TOPAZ1: variants seen among roughly 807,000 people sequenced by gnomAD.
TOPAZ1 encodes testis and ovary specific TOPAZ 1, also known as protein TOPAZ1.
Under a neutral mutation model 172.2 loss-of-function variants are expected in TOPAZ1, and 66 were observed. The ratio of observed to expected loss-of-function variants is 0.38; its 90% CI spans 0.31 to 0.47. The LOEUF (loss-of-function observed/expected upper bound fraction) is 0.47, where lower values mean the gene tolerates loss of function less well. Ranked by LOEUF, TOPAZ1 falls within the 20% of genes least tolerant of loss-of-function variation. The probability of loss-of-function intolerance (pLI) is 0.99; values close to 1 mark genes in which losing one functional copy is unlikely to be tolerated. For missense variants in TOPAZ1, 1,822 were observed against 1,972.4 expected (o/e 0.92, Z 1.44); for synonymous variants, 681 against 683.9 (o/e 1.00, Z 0.07).
At chr3:44,272,075 T>C (rs1366453334) in intron 8 of TOPAZ1, among the ~76,000 whole-genome samples, 1 of 152,130 alleles carries the variant, frequency 6.6e-6, no homozygotes, top group Non-Finnish European at 1.5e-5. Context: ...TGACAAAACT[T>C]CTTTCTTTTT....
At position 44,244,320 on chromosome 3, in the gene TOPAZ1, G is replaced by T. The variant is rs1699531334; in HGVS notation, c.1814G>T (p.Gly605Val). The T allele has an allele frequency of 6.4e-7, 1 of 1,550,582 alleles. No homozygotes were observed. The highest frequency in any genetic ancestry group is 1.4e-5 in the African/African-American group (1 of 72,894). ...KIKSEELSRR[G>V]SEVISNTTED... ...AAATCAGAGGAACTGAGCAGAAGAG[G>T]GTCAGAGGTAATTTCTAACACTACT... The change falls in exon 2 of 20, where the codon GGG (glycine) becomes GTG (valine). Residue 605 changes from glycine (G) to valine (V), a missense_variant. Physicochemically the swap from Gly to Val is moderately radical, Grantham distance 109. This residue lies in a region of TOPAZ1 where 1,489 missense variants were observed against 1,490.8 expected (regional missense o/e 1.00). Transcript: ENST00000309765.
chr3:44,258,395 C>T (rs868565806), intron 4 of TOPAZ1, among the ~76,000 whole-genome samples: 3 of 152,168 alleles, frequency 2.0e-5, no homozygotes, highest in African/African-American at 4.8e-5. Flanking sequence ...AGAACATTTC[C>T]GTCACCACGT....
At chr3:44,280,051 G>T (rs957657019) in intron 8 of TOPAZ1, among the ~76,000 whole-genome samples, 4 of 152,028 alleles carry the variant, frequency 2.6e-5, no homozygotes, top group African/African-American at 9.7e-5. Context: ...TTCTTGTAGG[G>T]CTGGTGTAGT....
intron 16 of TOPAZ1, among the ~76,000 whole-genome samples, chr3:44,320,785 T>C (rs1294823992): frequency 1.4e-4 from 21 of 152,290 alleles, no homozygotes; most frequent in Non-Finnish European, 2.9e-5. Flanking sequence ...CTAGTACACT[T>C]AGATGAAGAA....
In TOPAZ1 at chr3:44,267,146, G is replaced by C; in HGVS notation, c.3160+10G>C. On this transcript the variant is annotated intron_variant, in intron 6 of 19. Coordinates refer to ENST00000309765, the MANE Select transcript of TOPAZ1 (RefSeq NM_001145030.2). ...AATACCTGGATGAATGGTACTATTT[G>C]TTTTCTTAATGAAATCCTGTTGGCT... 1 of 1,490,974 alleles carries C rather than the reference G, an allele frequency of 6.7e-7. No individual in the cohort carries two copies. The highest frequency in any genetic ancestry group is 8.9e-7 in the Non-Finnish European group (1 of 1,120,878). The allele number at this position is 1,490,974 out of a possible 1,614,324, so 92.4% of individuals were successfully genotyped here. A position where few individuals can be genotyped will look rare whatever the true frequency, so the allele number is the denominator to read the frequency against.
intron 8 of TOPAZ1, among the ~76,000 whole-genome samples, chr3:44,273,210 G>A (rs867496929): frequency 6.6e-6 from 1 of 152,154 alleles, no homozygotes; most frequent in Non-Finnish European, 1.5e-5. Context: ...ATCTTTTAAT[G>A]CTCAAATAAA....
intron 12 of TOPAZ1, among the ~76,000 whole-genome samples, chr3:44,296,575 C>T (rs1282502566): frequency 1.3e-5 from 2 of 151,572 alleles, no homozygotes; most frequent in Non-Finnish European, 2.9e-5. Context: ...GGAGCAAGTC[C>T]TTAAAAACCA....
chr3:44,269,391 A>G, intron 7 of TOPAZ1, 90 bp downstream of exon 7: 1 of 564,662 alleles, frequency 1.8e-6, no homozygotes, highest in Non-Finnish European at 3.0e-6. Flanking sequence ...ACTTTCCTCC[A>G]CTCCCTCTTT....
Position 44,310,095 on chromosome 3 carries a change from G to T in TOPAZ1, c.4306+105G>T, listed in dbSNP as rs1021259664. 3.4e-5 allele frequency: 36 copies of T among 1,064,330 alleles called. No individual in the cohort carries two copies. In the Admixed American group the frequency reaches 8.2e-4, roughly 24 times the overall value. The allele number at this position is 1,064,330 out of a possible 1,614,324, so 65.9% of individuals were successfully genotyped here. Reference sequence around the variant, plus strand: ...ATATTGAACTGTGGTTAATAGTTTGGTCTAAACCCTAGTGAACATGTGGGT... The same window carrying T: ...ATATTGAACTGTGGTTAATAGTTTGTTCTAAACCCTAGTGAACATGTGGGT... On this transcript the variant is annotated intron_variant, in intron 16 of 19. Transcript: ENST00000309765.
intron 16 of TOPAZ1, among the ~76,000 whole-genome samples, chr3:44,318,867 T>A (rs1700480307): frequency 6.7e-6 from 1 of 148,276 alleles, no homozygotes; most frequent in South Asian, 2.1e-4. Context: ...TATATAAAAA[T>A]ATATATATAT....
intron 16 of TOPAZ1, among the ~76,000 whole-genome samples, chr3:44,318,068 C>T (rs1432924531): frequency 1.3e-5 from 2 of 152,190 alleles, no homozygotes; most frequent in African/African-American, 4.8e-5. Flanking sequence ...GTGGGAATCC[C>T]TGTGCAGTAC....
At chr3:44,279,036 A>G (rs550879209) in intron 8 of TOPAZ1, among the ~76,000 whole-genome samples, 42 of 152,028 alleles carry the variant, frequency 2.8e-4, no homozygotes, top group African/African-American at 1.0e-3. Flanking sequence ...TTGTTTTCTC[A>G]TTTGCTTCAA....
chr3:44,317,631 T>C (rs1700465272), intron 16 of TOPAZ1, among the ~76,000 whole-genome samples: 1 of 152,156 alleles, frequency 6.6e-6, no homozygotes, highest in Admixed American at 6.6e-5. Context: ...TGTCAGAAGG[T>C]AAGTGGATAA....
At chr3:44,336,436 T>A (rs1480208083), downstream of TOPAZ1, among the ~76,000 whole-genome samples, 1 of 152,246 alleles carries the variant, frequency 6.6e-6, no homozygotes, top group Non-Finnish European at 1.5e-5. Flanking sequence ...CCCGTGTATC[T>A]ATGAGTAACA....
intron 9 of TOPAZ1, among the ~76,000 whole-genome samples, chr3:44,284,907 AAAGCT>A (rs1700061420): frequency 6.6e-6 from 1 of 152,226 alleles, no homozygotes; most frequent in Non-Finnish European, 1.5e-5. Flanking sequence ...TTTGAACTAA[AAAGCT>A]ATTATCTTCA....
chr3:44,254,370 G>A (rs896366660), intron 2 of TOPAZ1, among the ~76,000 whole-genome samples: 2 of 152,146 alleles, frequency 1.3e-5, no homozygotes, highest in African/African-American at 4.8e-5. Flanking sequence ...ACTCACGCCT[G>A]TAATCCCGGC....
chr3:44,285,726 A>G (rs916200961), intron 9 of TOPAZ1, among the ~76,000 whole-genome samples: 1 of 151,348 alleles, frequency 6.6e-6, no homozygotes, highest in Non-Finnish European at 1.5e-5. Context: ...CTGTGCCACC[A>G]TGCCTGGCTA....
chr3:44,257,743 G>A (rs1699731164), intron 4 of TOPAZ1, among the ~76,000 whole-genome samples: 1 of 151,888 alleles, frequency 6.6e-6, no homozygotes, highest in African/African-American at 2.4e-5. Flanking sequence ...ACATCTTAAA[G>A]TATAAGAAGC....
chr3:44,309,641 T>A (rs887998490), intron 15 of TOPAZ1, among the ~76,000 whole-genome samples, 184 bp from the exon 16 acceptor site: 2 of 152,208 alleles, frequency 1.3e-5, no homozygotes, highest in Non-Finnish European at 2.9e-5. Flanking sequence ...TGCTTGTTCC[T>A]CTTTCCCTTT....
Sources: gnomAD v4.1 joint callset for allele counts (sites outside exome capture counted in the v4.1 genomes callset) on GRCh38, gnomAD v4.1.1 for gene constraint, gnomAD v4.1.1 regional missense constraint, MANE v1.5 for transcripts, NCBI Gene and HGNC (gene_info 2026-07-23, HGNC 2026-07-21) for gene names.